The following EDDM13 variants were observed in gnomAD, a reference collection of about 807,000 sequenced individuals.
The protein encoded by EDDM13 is epididymal protein 13.
In EDDM13, 24 loss-of-function variants were observed where a neutral mutation model predicts 17.8. The observed-to-expected ratio is 1.35, with a 90% CI of 0.98 to 1.90. The LOEUF is 1.90. EDDM13 is among the 40% of genes most tolerant of loss of function. The probability of loss-of-function intolerance (pLI) is 0.00; values close to 1 mark genes in which losing one functional copy is unlikely to be tolerated. For missense variants in EDDM13, 97 were observed against 100.8 expected, an observed-to-expected ratio of 0.96 and a Z score of 0.16; for synonymous variants, 31 against 37.5, an observed-to-expected ratio of 0.83 and a Z score of 0.63.
At chr19:56,274,004 A>G (rs1350839602) in intron 1 of EDDM13, among the ~76,000 whole-genome samples, 1 of 152,158 alleles carries the variant, frequency 6.6e-6, no homozygotes, top group Non-Finnish European at 1.5e-5. Context: ...GATGGGGATA[A>G]GTAGAAGGTT....
intron 13 of EDDM13, among the ~76,000 whole-genome samples, chr19:56,303,548 A>G (rs952658995): frequency 1.3e-5 from 2 of 151,934 alleles, no homozygotes; most frequent in Non-Finnish European, 2.9e-5. Flanking sequence ...ACGGAAGGGA[A>G]GGAGGGATGG....
chr19:56,295,645 C>A (rs552139227), intron 9 of EDDM13, among the ~76,000 whole-genome samples: 38 of 152,162 alleles, frequency 2.5e-4, no homozygotes, highest in Middle Eastern at 6.8e-3. Context: ...ATGGGAATGG[C>A]GTGGCGGCTT....
At chr19:56,297,457 C>T in intron 11 of EDDM13, 48 bp from the exon 12 acceptor site, 1 of 869,212 alleles carries the variant, frequency 1.2e-6, no homozygotes. Flanking sequence ...CTTTCCTCTT[C>T]CTCCTTCTCT....
chr19:56,285,196 A>G (rs933450612), intron 6 of EDDM13, among the ~76,000 whole-genome samples, 172 bp downstream of exon 6: 1 of 152,252 alleles, frequency 6.6e-6, no homozygotes, highest in Non-Finnish European at 1.5e-5. Context: ...TTGCTATATA[A>G]GGTTACAGCT....
chr19:56,289,632 G>A (rs1030667482), intron 8 of EDDM13, among the ~76,000 whole-genome samples: 1 of 152,024 alleles, frequency 6.6e-6, no homozygotes, highest in Non-Finnish European at 1.5e-5. Flanking sequence ...GGGTTTTTTT[G>A]AGATGGGTTC....
Position 56,304,825 on chromosome 19 carries a change from C to G in EDDM13, c.456C>G (p.Asp152Glu). 1 of 984,298 alleles carries G rather than the reference C, an allele frequency of 1.0e-6. No homozygotes were observed. The highest frequency in any genetic ancestry group is 4.7e-5 in the South Asian group (1 of 21,250). 61.0% of individuals were successfully genotyped at this position (984,298 alleles called of 1,614,324 possible). ...GCCACTACTGTAACTTGGAACTGGA[C>G]ATCAGGTATGCTATGGCAGGGAAGT... Reference protein sequence around the residue: ...CYCHYCNLELDIRDDPCCSF With the variant: ...CYCHYCNLELEIRDDPCCSF The change falls in exon 14 of 15, where the codon GAC becomes GAG. Residue 152 changes from aspartate to glutamate, a missense_variant. Asp to Glu is a conservative substitution (Grantham distance 45). Coordinates refer to ENST00000649256, the MANE Select transcript of EDDM13 (RefSeq NM_001354658.2).
rs1237540710 is a variant in EDDM13 at position 56,291,916 on chromosome 19, C to T, written c.232+1070C>T. Among the ~76,000 whole-genome samples the T allele has an allele frequency of 5.3e-5, 8 of 152,272 alleles. No homozygotes were observed. In the South Asian group the frequency reaches 6.2e-4, roughly 12 times the overall value. Reference sequence around the variant, plus strand: ...CAAAGAGCTTTCTAGGTGCCAGGCGCGAGGCACCAGAGCAGCACTTTTCAA... The same window carrying T: ...CAAAGAGCTTTCTAGGTGCCAGGCGTGAGGCACCAGAGCAGCACTTTTCAA... On this transcript the variant is annotated intron_variant, in intron 9 of 14. Coordinates refer to ENST00000649256, the MANE Select transcript of EDDM13 (RefSeq NM_001354658.2).
chr19:56,300,369 G>T (rs887681138), intron 12 of EDDM13, among the ~76,000 whole-genome samples: 1 of 152,162 alleles, frequency 6.6e-6, no homozygotes, highest in Non-Finnish European at 1.5e-5. Flanking sequence ...AAATTCACTT[G>T]GTTATTGGGA....
intron 13 of EDDM13, among the ~76,000 whole-genome samples, chr19:56,302,456 G>T (rs544775722): frequency 8.9e-6 from 1 of 112,526 alleles, no homozygotes; most frequent in African/African-American, 3.5e-5. Context: ...TCCTCTCTCC[G>T]TCTGCTTCCT....
At chr19:56,295,340 T>A (rs2039795128) in intron 9 of EDDM13, among the ~76,000 whole-genome samples, 1 of 152,088 alleles carries the variant, frequency 6.6e-6, no homozygotes, top group Non-Finnish European at 1.5e-5. Flanking sequence ...ACACCTGTAA[T>A]CCCAGCACTT....
At chr19:56,304,654 C>T (rs2040567233) in intron 13 of EDDM13, 139 bp from the exon 14 acceptor site, 1 of 306,108 alleles carries the variant, frequency 3.3e-6, no homozygotes, top group African/African-American at 2.3e-5. Flanking sequence ...GAAGATGTTA[C>T]AACCAGAGGG....
chr19:56,294,059 G>A (rs778512519), intron 9 of EDDM13, among the ~76,000 whole-genome samples: 16 of 152,124 alleles, frequency 1.1e-4, no homozygotes, highest in Non-Finnish European at 1.9e-4. Flanking sequence ...TCCAGCCTCC[G>A]TCCTCATGCT....
chr19:56,273,516 T>C (rs1256058797), intron 1 of EDDM13, among the ~76,000 whole-genome samples: 4 of 151,980 alleles, frequency 2.6e-5, no homozygotes, highest in Admixed American at 6.6e-5. Flanking sequence ...CACATTCTAG[T>C]GTGGGGATTC....
At chr19:56,291,949 T>C (rs1250132050) in intron 9 of EDDM13, among the ~76,000 whole-genome samples, 1 of 152,200 alleles carries the variant, frequency 6.6e-6, no homozygotes, top group Non-Finnish European at 1.5e-5. Context: ...CAATGTGTTA[T>C]GTGTAGTTAT....
At chr19:56,275,318 ATTCC>A (rs2038165637) in intron 1 of EDDM13, among the ~76,000 whole-genome samples, 1 of 152,168 alleles carries the variant, frequency 6.6e-6, no homozygotes, top group Non-Finnish European at 1.5e-5. Context: ...GTGATTTTCT[ATTCC>A]CCTTATTCAT....
At chr19:56,285,204 G>A (rs560174985) in intron 6 of EDDM13, among the ~76,000 whole-genome samples, 180 bp downstream of exon 6, 24 of 152,302 alleles carry the variant, frequency 1.6e-4, no homozygotes, top group African/African-American at 5.5e-4. Flanking sequence ...TAAGGTTACA[G>A]CTAGAATTTT....
chr19:56,289,051 A>G (rs2039335597), intron 8 of EDDM13, among the ~76,000 whole-genome samples, 160 bp downstream of exon 8: 1 of 152,172 alleles, frequency 6.6e-6, no homozygotes, highest in Admixed American at 6.5e-5. Context: ...ATTCTGCCAA[A>G]GAATCTAAGC....
At chr19:56,276,920 A>T (rs1300096779) in intron 2 of EDDM13, among the ~76,000 whole-genome samples, 1 of 151,966 alleles carries the variant, frequency 6.6e-6, no homozygotes, top group Non-Finnish European at 1.5e-5. Context: ...AATATTATAA[A>T]TATTTACAAA....
Position 56,297,341 on chromosome 19 carries a change from C to T in EDDM13, c.269-164C>T, listed in dbSNP as rs1384192143. Among the ~76,000 whole-genome samples the T allele has an allele frequency of 2.0e-5, 3 of 152,000 alleles. No individual in the cohort carries two copies. The East Asian group carries it at 5.8e-4, about 29-fold the overall frequency. On this transcript the variant is annotated intron_variant, in intron 11 of 14. Coordinates refer to ENST00000649256, the MANE Select transcript of EDDM13 (RefSeq NM_001354658.2). ...CATAATTCACCTGATGGTTTCTTTT[C>T]TTTTCCTTTCTTTTCTCCTCCTCTT...
Sources: allele counts gnomAD v4.1 joint callset (sites outside exome capture counted in the v4.1 genomes callset), GRCh38; gene constraint gnomAD v4.1.1; transcripts MANE v1.5; gene names NCBI Gene and HGNC (gene_info 2026-07-23, HGNC 2026-07-21).